The following PTPRN variants were observed in gnomAD, a reference collection of about 807,000 sequenced individuals.
The protein encoded by PTPRN is receptor-type tyrosine-protein phosphatase-like N.
In PTPRN, 70 loss-of-function variants were observed where a neutral mutation model predicts 108.5. The observed-to-expected ratio is 0.65, with a 90% CI of 0.53 to 0.79. The LOEUF is 0.79. PTPRN is among the 30% of genes least tolerant of loss of function. The pLI, the probability that PTPRN is intolerant of heterozygous loss-of-function variation, is 0.00. For missense variants in PTPRN, 1,136 were observed against 1,295.5 expected (o/e 0.88, Z 1.89); for synonymous variants, 496 against 524.6 (o/e 0.95, Z 0.75).
chr2:219,291,395 G>A (rs1023132409), intron 20 of PTPRN, 75 bp downstream of exon 20: 4 of 1,513,060 alleles, frequency 2.6e-6, no homozygotes, highest in Admixed American at 3.3e-5. Flanking sequence ...TAGCACCAAG[G>A]GGACAGGCAG....
At chr2:219,309,181 G>GCCCCCCCCCCCCCC in intron 1 of PTPRN, 37 bp downstream of exon 1, 1 of 628,492 alleles carries the variant, frequency 1.6e-6, no homozygotes, top group Non-Finnish European at 2.4e-6. Flanking sequence ...GCTGCTCCCC[G>GCCCCCCCCCCCCCC]CCCCCCACCA....
In PTPRN at chr2:219,296,868, G is replaced by T. The variant is rs780887002; in HGVS notation, c.2237-46C>A. ...ACCCCAGATGGCCCTCTGGTCATTGGCATCGCGGGACCTCTGCCACTCAGC... is the reference window on the plus strand; with the variant it reads ...ACCCCAGATGGCCCTCTGGTCATTGTCATCGCGGGACCTCTGCCACTCAGC... On this transcript the variant is annotated intron_variant, in intron 15 of 22. Transcript: ENST00000295718. The surrounding 1 kb of genome is among the most constrained non-coding windows in gnomAD (Gnocchi z 6.0). 1 of 1,613,624 alleles carries T rather than the reference G, an allele frequency of 6.2e-7. No homozygotes were observed. The highest frequency in any genetic ancestry group is 8.5e-7 in the Non-Finnish European group (1 of 1,179,640).
At chr2:219,300,541 A>G (rs59373427) in intron 8 of PTPRN, 8,478 of 471,476 alleles carry the variant, frequency 0.018, 571 homozygotes, top group African/African-American at 0.15. Context: ...GGTGAGGGTA[A>G]AAGACAAACA....
chr2:219,302,151 G>A lies in PTPRN; in HGVS notation c.980C>T (p.Pro327Leu), dbSNP rs116009595. 1.1e-4 allele frequency: 170 copies of A among 1,587,308 alleles called. 1 individual carries two copies. In the African/African-American group the frequency reaches 1.6e-3, roughly 15 times the overall value. ...LGDRGEKPAS[P>L]AVQPDAALQR... is the part of the protein sequence containing the mutation. ...GACCTTGTTACCTGGCTGCACAGCT[G>A]GGGAAGCAGGCTTCTCTCCACGATC... The change falls in exon 6 of 23, where the codon CCA (proline) becomes CTA (leucine). Residue 327 changes from proline to leucine, a missense_variant. By Grantham distance (98) the Pro-to-Leu change is moderately conservative. Coordinates refer to ENST00000295718, the MANE Select transcript of PTPRN (RefSeq NM_002846.4).
rs778244143 is a variant in PTPRN, at chr2:219,302,823, G to T, written c.392C>A (p.Pro131His). The T allele has an allele frequency of 1.1e-5, 17 of 1,612,988 alleles. No homozygotes were observed. The highest frequency in any genetic ancestry group is 1.4e-5 in the Non-Finnish European group (17 of 1,179,718). ...PRPRDRSGLA[P>H]KRPGPAGELL... ...CTCTCCAGCAGGACCAGGTCTCTTG[G>T]GTGCCAAGCCAGACCTGTAGAGGAA... Residue 131 changes from proline (P) to histidine (H), a missense_variant, in exon 5 of 23, where the codon CCC becomes CAC. Pro to His is a moderately conservative substitution (Grantham distance 77, BLOSUM62 -2). Transcript: ENST00000295718.
chr2:219,302,490 A>G lies in PTPRN; in HGVS notation c.641T>C (p.Phe214Ser), dbSNP rs1196368456. Reference protein sequence around the residue: ...ALLQPYLFHQFGSRDGSRVSE... With the variant: ...ALLQPYLFHQSGSRDGSRVSE... ...GACCCTGGAGCCATCACGGGAGCCA[A>G]ACTGTGGAAAACCAGAGATCTGGGT... The change falls in exon 6 of 23, where the codon TTT (phenylalanine) becomes TCT (serine). Residue 214 changes from phenylalanine to serine, a missense_variant and splice_region_variant. Transcript: ENST00000295718. 8 of 1,613,728 alleles carry G rather than the reference A, an allele frequency of 5.0e-6. No homozygotes were observed. The highest frequency in any genetic ancestry group is 5.9e-6 in the Non-Finnish European group (7 of 1,179,882).
At position 219,302,663 on chromosome 2, in the gene PTPRN, G is replaced by A. The variant is rs756360808; in HGVS notation, c.552C>T (p.Leu184=). 6.2e-7 allele frequency: 1 copy of A among 1,613,564 alleles called. No homozygotes were observed. Among genetic ancestry groups the A allele is most frequent in the Non-Finnish European group, 8.5e-7 (1 of 1,179,870 alleles). ...SPLQAELLPP[L]LEHLLLPPQP... is the part of the protein sequence containing the mutation. ...GTGGGGGCAGCAGCAGGTGCTCCAA[G>A]AGAGGCGGGAGCAGCTCAGCCTGCA... The change falls in exon 5 of 23, where the codon CTC becomes CTT. Residue 184 remains leucine (L), a synonymous_variant. Coordinates refer to ENST00000295718, the MANE Select transcript of PTPRN (RefSeq NM_002846.4).
intron 19 of PTPRN, chr2:219,294,188 T>C: frequency 2.0e-6 from 1 of 494,568 alleles, no homozygotes; most frequent in African/African-American, 2.0e-5. Context: ...AAAATGACAC[T>C]GGCAGCTGTG....
chr2:219,295,086 T>TAGA lies in PTPRN; in HGVS notation c.2561_2563dup (p.Phe854dup). On this transcript the variant is annotated inframe_insertion, in exon 19 of 23. Coordinates refer to ENST00000295718, the MANE Select transcript of PTPRN (RefSeq NM_002846.4). ...CTCCTGGGTCTGCACGTTCTTCAGGTAGAAGCTCCGCACCAGAAAGTCCTC... is the reference window on the plus strand; with the variant it reads ...CTCCTGGGTCTGCACGTTCTTCAGGTAGAAGAAGCTCCGCACCAGAAAGTCCTC... 9.9e-6 allele frequency: 16 copies of TAGA among 1,613,450 alleles called. No homozygotes were observed. Among genetic ancestry groups the TAGA allele is most frequent in the Non-Finnish European group, 1.3e-5 (15 of 1,179,608 alleles).
rs200334876 is a variant in PTPRN, at chr2:219,290,813, G to A, written c.2794+13C>T. On this transcript the variant is annotated intron_variant, in intron 21 of 22. Coordinates refer to ENST00000295718, the MANE Select transcript of PTPRN (RefSeq NM_002846.4). The surrounding 1 kb of genome is among the most constrained non-coding windows in gnomAD (Gnocchi z 4.2). ...GGCCTGGGGGCTGCGGGCACCGTGG[G>A]GAAGCTCCCTACCTTTTGCCATGCG... 8.1e-6 allele frequency: 13 copies of A among 1,613,756 alleles called. No individual in the cohort carries two copies. The highest frequency in any genetic ancestry group is 2.2e-5 in the East Asian group (1 of 44,880).
chr2:219,291,589 C>A (rs115801084), intron 19 of PTPRN, 66 bp from the exon 20 acceptor site: 2 of 1,480,470 alleles, frequency 1.4e-6, no homozygotes, highest in Non-Finnish European at 1.9e-6. Context: ...AGCTGAAACA[C>A]ATGACGTGGG....
chr2:219,295,255 G>GGGC, intron 18 of PTPRN, 114 bp from the exon 19 acceptor site: 3 of 1,210,394 alleles, frequency 2.5e-6, no homozygotes, highest in South Asian at 1.4e-5. Flanking sequence ...CTCCCAGGCC[G>GGGC]GTTCAAATTC....
chr2:219,302,815 G>T lies in PTPRN; in HGVS notation c.400C>A (p.Pro134Thr). ...AAAAGCAGCTCTCCAGCAGGACCAG[G>T]TCTCTTGGGTGCCAAGCCAGACCTG... ...RDRSGLAPKR[P>T]GPAGELLLQD... Residue 134 changes from proline to threonine, a missense_variant, in exon 5 of 23, where the codon CCT becomes ACT. Pro to Thr is a conservative substitution (Grantham distance 38). Transcript: ENST00000295718. 1 of 1,613,278 alleles carries T rather than the reference G, an allele frequency of 6.2e-7. No individual in the cohort carries two copies. Among genetic ancestry groups the T allele is most frequent in the Non-Finnish European group, 8.5e-7 (1 of 1,179,758 alleles).
At chr2:219,309,056 T>C (rs1952558234) in intron 1 of PTPRN, 162 bp downstream of exon 1, 1 of 1,528,170 alleles carries the variant, frequency 6.5e-7, no homozygotes, top group Non-Finnish European at 8.8e-7. Flanking sequence ...TACGCCCCTT[T>C]CCTCCGAGAC....
At chr2:219,294,076 T>C (rs1317988275) in intron 19 of PTPRN, 1 of 524,880 alleles carries the variant, frequency 1.9e-6, no homozygotes, top group East Asian at 5.5e-5. Flanking sequence ...CTCGGGGTGG[T>C]CCCCGGGCCA....
chr2:219,307,950 C>T (rs1952525494), intron 1 of PTPRN, 108 bp from the exon 2 acceptor site: 1 of 1,082,580 alleles, frequency 9.2e-7, no homozygotes, highest in Non-Finnish European at 1.4e-6. Context: ...TTCTTTCATT[C>T]TAAAGAAGGC....
chr2:219,309,240 G>A lies in PTPRN; in HGVS notation c.93C>T (p.Gly31=). 1.3e-6 allele frequency: 2 copies of A among 1,502,852 alleles called. No individual in the cohort carries two copies. The highest frequency in any genetic ancestry group is 1.8e-6 in the Non-Finnish European group (2 of 1,124,228). The allele number at this position is 1,502,852 out of a possible 1,614,324, so 93.1% of individuals were successfully genotyped here. A position where few individuals can be genotyped will look rare whatever the true frequency, so the allele number is the denominator to read the frequency against. ...GACCGTGGGCACTAACGGCGCTGCA[G>A]CCCCCCGGGCGGCTGCTCAGCAGCA... ...CLLLLSSRPG[G]CSAVSAHGCL... The change falls in exon 1 of 23, where the codon GGC becomes GGT. Residue 31 remains glycine, a synonymous_variant. Coordinates refer to ENST00000295718, the MANE Select transcript of PTPRN (RefSeq NM_002846.4).
intron 2 of PTPRN, 90 bp downstream of exon 2, chr2:219,307,702 C>G: frequency 6.6e-7 from 1 of 1,521,338 alleles, no homozygotes; most frequent in Non-Finnish European, 9.1e-7. Context: ...CCCAGTAGCC[C>G]TCTTCCTTTC....
rs1952040524 is a variant in PTPRN, at chr2:219,290,952, G to A, written c.2730-62C>T. ...GCAGCAGAAAGGGGGAGGGACGGAG[G>A]AGGCGAGGAGGCCTGGAGGCCTGGG... On this transcript the variant is annotated intron_variant, in intron 20 of 22. Coordinates refer to ENST00000295718, the MANE Select transcript of PTPRN (RefSeq NM_002846.4). The surrounding 1 kb of genome is among the most constrained non-coding windows in gnomAD (Gnocchi z 4.2). The A allele has an allele frequency of 1.4e-5, 22 of 1,534,280 alleles. No individual in the cohort carries two copies. The South Asian group carries it at 1.9e-4, about 13-fold the overall frequency.
Sources: allele counts gnomAD v4.1 joint callset, GRCh38; gene constraint gnomAD v4.1.1; non-coding constraint Gnocchi (gnomAD v3.1); transcripts MANE v1.5; gene names NCBI Gene and HGNC (gene_info 2026-07-23, HGNC 2026-07-21).